The following SCMH1 variants were observed in gnomAD, a reference collection of about 807,000 sequenced individuals.
SCMH1 encodes Scm polycomb group protein homolog 1, also known as polycomb protein SCMH1.
A neutral mutation model predicts 70.8 loss-of-function variants in SCMH1; 37 were observed. That is an observed-to-expected ratio of 0.52 (90% CI 0.40 to 0.69). SCMH1 has a LOEUF of 0.69. SCMH1 is among the 30% of genes least tolerant of loss of function. The pLI is 0.00. For synonymous variants in SCMH1, 292 were observed against 307.4 expected (o/e 0.95, Z 0.52); for missense variants, 607 against 827.3 (o/e 0.73, Z 3.27).
At chr1:41,211,287 C>T (rs774233208) in intron 1 of SCMH1, among the ~76,000 whole-genome samples, 2 of 152,162 alleles carry the variant, frequency 1.3e-5, no homozygotes, top group Non-Finnish European at 2.9e-5. Flanking sequence ...GGCTAATATA[C>T]AGAATCTATG....
At chr1:41,029,411 G>A (rs899382832) in intron 13 of SCMH1, among the ~76,000 whole-genome samples, 8 of 152,170 alleles carry the variant, frequency 5.3e-5, no homozygotes, top group African/African-American at 1.9e-4. Flanking sequence ...TGTTGGCCTG[G>A]CTGGTCTTGA....
chr1:41,169,391 T>C lies in SCMH1; in HGVS notation c.14-7959A>G, dbSNP rs1358416409. Among the ~76,000 whole-genome samples, 5 of 152,124 alleles carry C rather than the reference T, an allele frequency of 3.3e-5. No individual in the cohort carries two copies. The South Asian group carries it at 8.3e-4, about 25-fold the overall frequency. ...CCCCTTCTGGAGAACAAATGGGACC[T>C]ACATGTTCCTACTTCCTTTCTGCAC... On this transcript the variant is annotated intron_variant, in intron 2 of 14. Coordinates refer to ENST00000337495, the Ensembl canonical transcript of SCMH1.
At chr1:41,079,465 A>G (rs1659333039) in intron 8 of SCMH1, among the ~76,000 whole-genome samples, 1 of 152,194 alleles carries the variant, frequency 6.6e-6, no homozygotes. Context: ...AATGTACTCT[A>G]TAAACACTAA....
chr1:41,178,324 C>T (rs1647605057), intron 2 of SCMH1, among the ~76,000 whole-genome samples: 1 of 152,158 alleles, frequency 6.6e-6, no homozygotes, highest in African/African-American at 2.4e-5. Flanking sequence ...GAAGAAACTG[C>T]ATCAACTAAC....
At chr1:41,054,045 C>T (rs941797468) in intron 10 of SCMH1, among the ~76,000 whole-genome samples, 4 of 152,004 alleles carry the variant, frequency 2.6e-5, no homozygotes, top group Non-Finnish European at 2.9e-5. Context: ...GGGGTTTCAC[C>T]GTGTTAGCCA....
intron 8 of SCMH1, among the ~76,000 whole-genome samples, chr1:41,104,231 C>CA (rs1204177904): frequency 1.4e-4 from 21 of 152,250 alleles, no homozygotes; most frequent in African/African-American, 4.6e-4. Flanking sequence ...GTGAACCTAG[C>CA]ACTGCTAACA....
At chr1:41,093,510 T>TA (rs1664236945) in intron 8 of SCMH1, among the ~76,000 whole-genome samples, 1 of 152,188 alleles carries the variant, frequency 6.6e-6, no homozygotes, top group Non-Finnish European at 1.5e-5. Context: ...CCCTAGAACT[T>TA]AAAGTATAAT....
rs546966727 is a variant in SCMH1, at chr1:41,101,397, T to C, written c.745+11886A>G. ...CTAGCCCCAGCACTCTAAGACTCTA[T>C]GACTTTTTACTTTCCTCACATCTCA... On this transcript the variant is annotated intron_variant, in intron 8 of 14. Transcript: ENST00000337495. Among the ~76,000 whole-genome samples the C allele has an allele frequency of 9.8e-5, 15 of 152,322 alleles. No individual in the cohort carries two copies. In the East Asian group the frequency reaches 2.3e-3, roughly 23 times the overall value.
chr1:41,067,651 G>A (rs1655121169), intron 10 of SCMH1, among the ~76,000 whole-genome samples: 1 of 152,126 alleles, frequency 6.6e-6, no homozygotes, highest in African/African-American at 2.4e-5. Context: ...GATTAGTGGG[G>A]AGGGAGGATG....
At chr1:41,083,047 C>T (rs1660509222) in intron 8 of SCMH1, among the ~76,000 whole-genome samples, 1 of 152,152 alleles carries the variant, frequency 6.6e-6, no homozygotes, top group African/African-American at 2.4e-5. Flanking sequence ...TGGAAGCATT[C>T]CCTTTGAAAA....
intron 6 of SCMH1, among the ~76,000 whole-genome samples, chr1:41,128,579 G>C (rs1395681649): frequency 6.6e-6 from 1 of 151,960 alleles, no homozygotes; most frequent in Non-Finnish European, 1.5e-5. Flanking sequence ...CTGCTCTTAA[G>C]ACTTTTCTCT....
chr1:41,101,780 T>C (rs954526405), intron 8 of SCMH1, among the ~76,000 whole-genome samples: 5 of 150,654 alleles, frequency 3.3e-5, no homozygotes, highest in Admixed American at 1.3e-4. Context: ...CTGAGTCAAC[T>C]ATCATACTTG....
intron 8 of SCMH1, among the ~76,000 whole-genome samples, chr1:41,097,164 G>A (rs1428615887): frequency 6.6e-6 from 1 of 152,168 alleles, no homozygotes; most frequent in African/African-American, 2.4e-5. Flanking sequence ...AGGAGAAATT[G>A]TTATCTTTTA....
At chr1:41,198,866 T>C (rs1302114819) in intron 1 of SCMH1, among the ~76,000 whole-genome samples, 1 of 152,192 alleles carries the variant, frequency 6.6e-6, no homozygotes, top group African/African-American at 2.4e-5. Flanking sequence ...CATCTAAAGA[T>C]CAGAGAATGG....
intron 8 of SCMH1, among the ~76,000 whole-genome samples, chr1:41,104,345 C>A (rs1028472484): frequency 3.9e-5 from 6 of 151,998 alleles, no homozygotes; most frequent in African/African-American, 1.5e-4. Context: ...TATATGCATA[C>A]GTGTGTTTAT....
At chr1:41,037,597 C>T (rs1645487097) in intron 12 of SCMH1, 56 bp from the exon 13 acceptor site, 3 of 1,493,748 alleles carry the variant, frequency 2.0e-6, no homozygotes, top group Non-Finnish European at 1.8e-6. Context: ...AGTGCTGGCT[C>T]CCAGATACCT....
At chr1:41,193,486 T>C (rs773032945) in intron 1 of SCMH1, among the ~76,000 whole-genome samples, 17 of 151,568 alleles carry the variant, frequency 1.1e-4, no homozygotes, top group Non-Finnish European at 2.4e-4. Flanking sequence ...AAAAGTGCTC[T>C]GGGAAAACAG....
chr1:41,226,056 A>G (rs1162557062), intron 1 of SCMH1, among the ~76,000 whole-genome samples: 1 of 152,212 alleles, frequency 6.6e-6, no homozygotes, highest in Non-Finnish European at 1.5e-5. Context: ...TGGTCTTCAT[A>G]AGCAAAATGT....
intron 8 of SCMH1, among the ~76,000 whole-genome samples, chr1:41,078,115 C>G (rs1451782877): frequency 6.6e-6 from 1 of 151,958 alleles, no homozygotes; most frequent in African/African-American, 2.4e-5. Flanking sequence ...TTAGGAATAA[C>G]TCATTGCATG....
Sources: gnomAD v4.1 joint callset for allele counts (sites outside exome capture counted in the v4.1 genomes callset) on GRCh38, gnomAD v4.1.1 for gene constraint, MANE v1.5 for transcripts, NCBI Gene and HGNC (gene_info 2026-07-23, HGNC 2026-07-21) for gene names.